Variants in RIT2 observed in about 807,000 individuals in gnomAD.
RIT2 encodes Ras like without CAAX 2.
Under a neutral mutation model 23.7 loss-of-function variants are expected in RIT2, and 24 were observed. The observed-to-expected ratio is 1.01, with a 90% CI of 0.73 to 1.43. The LOEUF (loss-of-function observed/expected upper bound fraction) is 1.43. Ranked by LOEUF, RIT2 falls within the 40% of genes most tolerant of loss-of-function variation. The probability of loss-of-function intolerance (pLI) is 0.00; values close to 1 mark genes in which losing one functional copy is unlikely to be tolerated. For missense variants in RIT2, 236 were observed against 266.9 expected (o/e 0.88, Z 0.81); for synonymous variants, 107 against 91.1 (o/e 1.17, Z -0.99).
intron 1 of RIT2, among the ~76,000 whole-genome samples, chr18:43,087,076 C>T (rs188988964): frequency 5.9e-4 from 89 of 151,988 alleles, no homozygotes; most frequent in African/African-American, 2.0e-3. Context: ...ATAGCAAAAT[C>T]CTGTCTCTAC....
intron 1 of RIT2, among the ~76,000 whole-genome samples, chr18:43,057,820 T>C (rs1470103467): frequency 6.6e-6 from 1 of 150,512 alleles, no homozygotes. Context: ...TTTTTTATCA[T>C]CTAAGGCAGA....
At chr18:42,933,347 T>C (rs1598720544) in intron 3 of RIT2, among the ~76,000 whole-genome samples, 4 of 152,124 alleles carry the variant, frequency 2.6e-5, no homozygotes, top group African/African-American at 7.2e-5. Flanking sequence ...ATCAGCAAAA[T>C]TTTTGTTCCC....
intron 1 of RIT2, among the ~76,000 whole-genome samples, chr18:43,105,951 G>A (rs895375730): frequency 2.0e-5 from 3 of 152,138 alleles, no homozygotes; most frequent in South Asian, 2.1e-4. Flanking sequence ...ATATGGTAAC[G>A]AGCACAGTGG....
chr18:42,923,548 C>T, intron 4 of RIT2, 24 bp downstream of exon 4: 1 of 1,603,284 alleles, frequency 6.2e-7, no homozygotes, highest in Middle Eastern at 1.7e-4. Context: ...AAGACAGAAG[C>T]TACCAGATAA....
intron 4 of RIT2, among the ~76,000 whole-genome samples, chr18:42,882,440 G>A (rs1169835399): frequency 6.6e-6 from 1 of 152,148 alleles, no homozygotes. Flanking sequence ...ATATCTGACT[G>A]TCCATATGCT....
intron 1 of RIT2, among the ~76,000 whole-genome samples, chr18:43,036,930 ATCAG>A (rs1466516018): frequency 6.6e-6 from 1 of 152,226 alleles, no homozygotes; most frequent in Non-Finnish European, 1.5e-5. Flanking sequence ...AGAATCTGCT[ATCAG>A]TCAGACTGGA....
chr18:43,080,804 C>G (rs975228905), intron 1 of RIT2, among the ~76,000 whole-genome samples: 1 of 152,204 alleles, frequency 6.6e-6, no homozygotes, highest in Non-Finnish European at 1.5e-5. Flanking sequence ...CACTCACTTG[C>G]TCTAAGAACA....
rs562966529 is a variant in RIT2 at position 42,908,264 on chromosome 18, C to G, written c.426+15308G>C. Among the ~76,000 whole-genome samples the G allele has an allele frequency of 6.6e-5, 10 of 151,516 alleles. No individual in the cohort carries two copies. In the South Asian group the frequency reaches 2.1e-3, roughly 32 times the overall value. On this transcript the variant is annotated intron_variant, in intron 4 of 4. Coordinates refer to ENST00000326695, the MANE Select transcript of RIT2 (RefSeq NM_002930.4). ...ATCTGAACAACAAAGAGAAAATAGA[C>G]TAAAAGAAAAAATAAATAGAGATCA...
rs566900238 is a variant in RIT2, at chr18:42,949,660, G to A, written c.234+24414C>T. On this transcript the variant is annotated intron_variant, in intron 3 of 4. Coordinates refer to ENST00000326695, the MANE Select transcript of RIT2 (RefSeq NM_002930.4). ...TTCCTCAGCTCTATTTAACTATTTC[G>A]TATTAGTTACTCCACTTCGATTCTG... Among the ~76,000 whole-genome samples, 7 of 152,064 alleles carry A rather than the reference G, an allele frequency of 4.6e-5. No individual in the cohort carries two copies. In the South Asian group the frequency reaches 8.3e-4, roughly 18 times the overall value.
At chr18:43,051,970 C>T (rs1195255968) in intron 1 of RIT2, among the ~76,000 whole-genome samples, 4 of 152,096 alleles carry the variant, frequency 2.6e-5, no homozygotes, top group East Asian at 1.9e-4. Context: ...TTATCACAAG[C>T]CTGTACATAT....
At chr18:43,102,498 G>A (rs980443603) in intron 1 of RIT2, among the ~76,000 whole-genome samples, 5 of 145,000 alleles carry the variant, frequency 3.4e-5, no homozygotes, top group Non-Finnish European at 6.0e-5. Flanking sequence ...TCTGGTGTGC[G>A]GTGGAAAAAG....
chr18:42,761,811 G>A (rs746014847), intron 4 of RIT2, among the ~76,000 whole-genome samples: 1 of 152,120 alleles, frequency 6.6e-6, no homozygotes, highest in Admixed American at 6.5e-5. Flanking sequence ...TCCAGAAGCT[G>A]GGATTACAGG....
intron 2 of RIT2, among the ~76,000 whole-genome samples, chr18:42,997,319 C>T (rs1402926133): frequency 6.6e-6 from 1 of 151,736 alleles, no homozygotes; most frequent in Non-Finnish European, 1.5e-5. Flanking sequence ...TCCTTCCCTT[C>T]CTATGTTCAA....
At chr18:43,003,991 C>CA in intron 2 of RIT2, among the ~76,000 whole-genome samples, 1 of 151,748 alleles carries the variant, frequency 6.6e-6, no homozygotes, top group East Asian at 2.0e-4. Context: ...GTACTCTATT[C>CA]AAAAAATCAG....
intron 1 of RIT2, among the ~76,000 whole-genome samples, chr18:43,037,511 A>C (rs1201097526): frequency 6.6e-6 from 1 of 152,134 alleles, no homozygotes; most frequent in East Asian, 1.9e-4. Flanking sequence ...TTTTGTACCA[A>C]TTTAAAATTT....
chr18:43,091,058 A>G (rs891762811), intron 1 of RIT2, among the ~76,000 whole-genome samples: 5 of 152,020 alleles, frequency 3.3e-5, no homozygotes, highest in African/African-American at 1.2e-4. Flanking sequence ...AAGAAGAAAA[A>G]AAGAAGAAAA....
At chr18:43,091,142 T>C (rs1913413874) in intron 1 of RIT2, among the ~76,000 whole-genome samples, 1 of 151,768 alleles carries the variant, frequency 6.6e-6, no homozygotes, top group Admixed American at 6.6e-5. Context: ...GTGTTTTCAT[T>C]TACTATTCAT....
intron 1 of RIT2, among the ~76,000 whole-genome samples, chr18:43,036,233 T>C (rs1309153677): frequency 2.6e-5 from 4 of 152,118 alleles, no homozygotes; most frequent in Admixed American, 6.6e-5. Flanking sequence ...GACTTACCTG[T>C]TACAGTTATT....
intron 1 of RIT2, among the ~76,000 whole-genome samples, chr18:43,044,465 A>T (rs2144298400): frequency 6.6e-6 from 1 of 152,316 alleles, no homozygotes; most frequent in Non-Finnish European, 1.5e-5. Flanking sequence ...TAAAGTAATG[A>T]AGCTCATTAA....
Sources: gnomAD v4.1 joint callset for allele counts (sites outside exome capture counted in the v4.1 genomes callset) on GRCh38, gnomAD v4.1.1 for gene constraint, MANE v1.5 for transcripts, NCBI Gene and HGNC (gene_info 2026-07-23, HGNC 2026-07-21) for gene names.